Variants in COL4A4 observed in about 807,000 individuals in gnomAD.
COL4A4 encodes the protein collagen type IV alpha 4 chain, also known as collagen alpha-4(IV) chain.
In COL4A4, 105 loss-of-function variants were observed where a neutral mutation model predicts 192.9. The observed-to-expected ratio is 0.54, with a 90% CI of 0.46 to 0.64. The LOEUF (loss-of-function observed/expected upper bound fraction) is 0.64, where lower values mean the gene tolerates loss of function less well. Ranked by LOEUF, COL4A4 falls within the 30% of genes least tolerant of loss-of-function variation. COL4A4 has a pLI of 0.00. For synonymous variants in COL4A4, 762 were observed against 769.9 expected (o/e 0.99, Z 0.17); for missense variants, 1,967 against 2,169.3 (o/e 0.91, Z 1.85).
chr2:227,042,343 G>A (rs1438741642), intron 36 of COL4A4, 88 bp from the exon 37 acceptor site: 1 of 764,594 alleles, frequency 1.3e-6, no homozygotes, highest in Non-Finnish European at 2.3e-6. Context: ...TAATATATGG[G>A]TAACGGAGAA....
chr2:227,022,272 A>AAATTT (rs1165686562), intron 43 of COL4A4, 99 bp from the exon 44 acceptor site: 1 of 1,331,604 alleles, frequency 7.5e-7, no homozygotes, highest in African/African-American at 1.4e-5. Flanking sequence ...CACTATACTG[A>AAATTT]AATTTAGTAC....
chr2:227,001,218 C>T (rs1048196818), downstream of COL4A4, among the ~76,000 whole-genome samples: 3 of 152,056 alleles, frequency 2.0e-5, no homozygotes, highest in African/African-American at 7.2e-5. Flanking sequence ...CCTCAGCCTC[C>T]CAAGTAGCTG....
At chr2:227,039,759 C>T (rs990126337) in intron 37 of COL4A4, among the ~76,000 whole-genome samples, 1 of 152,166 alleles carries the variant, frequency 6.6e-6, no homozygotes, top group Admixed American at 6.5e-5. Context: ...AAGAATACGC[C>T]ATGAAGGCTG....
intron 28 of COL4A4, 39 bp downstream of exon 28, chr2:227,059,366 C>A: frequency 6.4e-7 from 1 of 1,553,120 alleles, no homozygotes; most frequent in Non-Finnish European, 8.9e-7. Flanking sequence ...CAAAACTGAG[C>A]CAGCTCTATG....
At chr2:226,982,253 G>A in the COL4A4 span, among the ~76,000 whole-genome samples, 2 of 152,232 alleles carry the variant, frequency 1.3e-5, no homozygotes, top group Non-Finnish European at 2.9e-5. Context: ...AGAGCAGTTT[G>A]TCTTCCTCTA....
At chr2:227,035,215 T>C (rs1969365758) in intron 37 of COL4A4, among the ~76,000 whole-genome samples, 1 of 152,138 alleles carries the variant, frequency 6.6e-6, no homozygotes, top group Admixed American at 6.5e-5. Context: ...TGAAAAAATA[T>C]GGAACAAGGT....
At position 227,037,915 on chromosome 2, in the gene COL4A4, G is replaced by A. The variant is rs180899644; in HGVS notation, c.3505+4233C>T. Among the ~76,000 whole-genome samples the A allele has an allele frequency of 6.6e-5, 10 of 152,184 alleles. No homozygotes were observed. The South Asian group carries it at 1.5e-3, about 22-fold the overall frequency. ...TGAGAAGTGTCTGTTTATATCCTTC[G>A]CCCACTTTTTGATGGGGTTGTTTCT... On this transcript the variant is annotated intron_variant, in intron 37 of 47. Coordinates refer to ENST00000396625, the MANE Select transcript of COL4A4 (RefSeq NM_000092.5).
chr2:227,074,048 T>C (rs146589223), intron 25 of COL4A4, among the ~76,000 whole-genome samples: 1 of 151,818 alleles, frequency 6.6e-6, no homozygotes, highest in African/African-American at 2.4e-5. Context: ...AATACATAAA[T>C]GGGACCCAGT....
At chr2:227,108,802 C>T in intron 11 of COL4A4, 31 bp downstream of exon 11, 1 of 1,607,868 alleles carries the variant, frequency 6.2e-7, no homozygotes, top group South Asian at 1.1e-5. Flanking sequence ...GTTCAGGGCT[C>T]TATTGATGTA....
chr2:227,156,623 A>T (rs2064375462), intron 1 of COL4A4, among the ~76,000 whole-genome samples: 2 of 152,182 alleles, frequency 1.3e-5, no homozygotes, highest in South Asian at 4.1e-4. Flanking sequence ...TCTAGGTAGA[A>T]TCACAGTCAG....
intron 26 of COL4A4, 93 bp downstream of exon 26, chr2:227,062,437 G>T: frequency 1.2e-6 from 1 of 813,788 alleles, no homozygotes; most frequent in Non-Finnish European, 2.1e-6. Context: ...GTCCTAACTA[G>T]TCTGAGGATT....
At chr2:227,008,530 G>A (rs765833871) in intron 46 of COL4A4, among the ~76,000 whole-genome samples, 2 of 152,194 alleles carry the variant, frequency 1.3e-5, no homozygotes, top group African/African-American at 4.8e-5. Context: ...GCCAGGTGCT[G>A]GAGGTGGGCA....
chr2:227,121,663 CAT>C (rs376763427), intron 4 of COL4A4, among the ~76,000 whole-genome samples: 13 of 150,054 alleles, frequency 8.7e-5, no homozygotes, highest in African/African-American at 3.2e-4. Context: ...TGACTTAAAA[CAT>C]AAGAAATAGT....
chr2:227,154,785 AC>A (rs1324904253), intron 1 of COL4A4, among the ~76,000 whole-genome samples: 1 of 152,236 alleles, frequency 6.6e-6, no homozygotes, highest in Admixed American at 6.5e-5. Flanking sequence ...AAAAAGAATG[AC>A]ATGTCTTATT....
intron 1 of COL4A4, among the ~76,000 whole-genome samples, chr2:227,149,472 A>G (rs2063771875): frequency 6.6e-6 from 1 of 152,224 alleles, no homozygotes; most frequent in Non-Finnish European, 1.5e-5. Context: ...ACTAAAAATC[A>G]TGGTTTCAGG....
chr2:227,057,401 G>A, intron 29 of COL4A4, 38 bp downstream of exon 29: 1 of 1,568,208 alleles, frequency 6.4e-7, no homozygotes, highest in Non-Finnish European at 8.7e-7. Context: ...ATTGTAAGTA[G>A]GGTAAGCCCC....
In COL4A4 at chr2:227,109,211, G is replaced by A. The variant is rs897404082; in HGVS notation, c.657+13C>T. On this transcript the variant is annotated intron_variant, in intron 10 of 47. Transcript: ENST00000396625. ...GGTTTTTAAAGGGATCACATCAGCA[G>A]TGCTGTACTTACCACTAACCCTGGC... 21 of 1,611,324 alleles carry A rather than the reference G, an allele frequency of 1.3e-5. No homozygotes were observed. Among genetic ancestry groups the A allele is most frequent in the Non-Finnish European group, 1.8e-5 (21 of 1,177,518 alleles).
Position 227,008,288 on chromosome 2 carries a change from G to A in COL4A4, c.4539C>T (p.Cys1513=), listed in dbSNP as rs943603958. 10 of 1,614,222 alleles carry A rather than the reference G, an allele frequency of 6.2e-6. No individual in the cohort carries two copies. The East Asian group carries it at 6.7e-5, about 11-fold the overall frequency. The change falls in exon 47 of 48, where the codon TGC becomes TGT. Residue 1513 remains cysteine, a synonymous_variant. Coordinates refer to ENST00000396625, the MANE Select transcript of COL4A4 (RefSeq NM_000092.5). ...AGGGCAGCGTGCTAAATACGGGAAG[G>A]CAAGACCCTGCCAGACCTTGGGAAG... The part of the protein sequence containing the change: ...HNQDLGLAGS[C]LPVFSTLPFA...
intron 37 of COL4A4, among the ~76,000 whole-genome samples, chr2:227,041,848 G>GAAAGAAAGAGAAAGAAAGAA (rs1243663359): frequency 5.2e-5 from 2 of 38,730 alleles, no homozygotes; most frequent in African/African-American, 1.2e-4. Flanking sequence ...AAGAAAGAAA[G>GAAAGAAAGAGAAAGAAAGAA]AGAAAGAAAG....
Sources: allele counts gnomAD v4.1 joint callset (sites outside exome capture counted in the v4.1 genomes callset), GRCh38; gene constraint gnomAD v4.1.1; transcripts MANE v1.5; gene names NCBI Gene and HGNC (gene_info 2026-07-23, HGNC 2026-07-21).